Variants in BCL9L observed in about 807,000 individuals in gnomAD.
The protein encoded by BCL9L is B-cell CLL/lymphoma 9-like protein.
In BCL9L, 19 loss-of-function variants were observed where a neutral mutation model predicts 99.4. The observed-to-expected ratio is 0.19, with a 90% confidence interval of 0.13 to 0.28. The LOEUF is 0.28. BCL9L is among the 10% of genes least tolerant of loss of function. The probability of loss-of-function intolerance (pLI) is 1.00; values close to 1 mark genes in which losing one functional copy is unlikely to be tolerated. For missense variants in BCL9L, 2,023 were observed against 2,101.6 expected (o/e 0.96, Z 0.73); for synonymous variants, 900 against 854.8 (o/e 1.05, Z -0.92).
chr11:118,919,544 T>C (rs1375041846), intron 1 of BCL9L, among the ~76,000 whole-genome samples: 1 of 151,742 alleles, frequency 6.6e-6, no homozygotes, highest in Non-Finnish European at 1.5e-5. Context: ...GCTCAGTTTG[T>C]ACTGGGGGGT....
chr11:118,902,557 A>C lies in BCL9L; in HGVS notation c.1186T>G (p.Ser396Ala). The change falls in exon 8 of 10, where the codon TCA becomes GCA. Residue 396 changes from serine to alanine, a missense_variant. Ser to Ala is a moderately conservative substitution (Grantham distance 99). Around this residue, in one of 3 missense-constraint regions of BCL9L, gnomAD observed 1,116 missense variants for 1,194.6 expected, o/e 0.93. Coordinates refer to ENST00000683865, the MANE Select transcript of BCL9L (RefSeq NM_001378213.1). The surrounding 1 kb of genome is among the most constrained non-coding windows in gnomAD (Gnocchi z 7.8). Reference protein sequence around the residue: ...PGNGQRSLVGSEGLSKEQLEH... With the variant: ...PGNGQRSLVGAEGLSKEQLEH... Reference sequence around the variant, plus strand: ...AGCTGCTCTTTGGACAAGCCCTCTGAGCCCACCAGGCTGCGCTGCCCATTT... The same window carrying C: ...AGCTGCTCTTTGGACAAGCCCTCTGCGCCCACCAGGCTGCGCTGCCCATTT... 6.2e-7 allele frequency: 1 copy of C among 1,601,916 alleles called. No individual in the cohort carries two copies. The highest frequency in any genetic ancestry group is 1.7e-5 in the Admixed American group (1 of 60,008).
In BCL9L at chr11:118,900,996, T is replaced by C. The variant is rs2137687686; in HGVS notation, c.2747A>G (p.Asp916Gly). 3 of 1,553,148 alleles carry C rather than the reference T, an allele frequency of 1.9e-6. No individual in the cohort carries two copies. The highest frequency in any genetic ancestry group is 2.6e-6 in the Non-Finnish European group (3 of 1,148,794). ...PNRGLGRRPS[D>G]LTISINQMGS... Reference sequence around the variant, plus strand: ...CATCTGATTAATACTGATGGTGAGGTCCGAAGGCCGCCTGCCTAGCCCCCG... The same window carrying C: ...CATCTGATTAATACTGATGGTGAGGCCCGAAGGCCGCCTGCCTAGCCCCCG... The change falls in exon 8 of 10, where the codon GAC becomes GGC. Residue 916 changes from aspartate to glycine, a missense_variant. Transcript: ENST00000683865. The surrounding 1 kb of genome is among the most constrained non-coding windows in gnomAD (Gnocchi z 5.3).
chr11:118,907,622 G>T lies in BCL9L; in HGVS notation c.413-20C>A. 3 of 1,608,682 alleles carry T rather than the reference G, an allele frequency of 1.9e-6. No homozygotes were observed. Among genetic ancestry groups the T allele is most frequent in the East Asian group, 2.2e-5 (1 of 44,882 alleles). The stretch of plus-strand genomic sequence containing the variant: ...CCACCTCTGCCCAGGCAGGACGGAG[G>T]AAAGAGTGAGTGCCTAGAGGCCCCA... On this transcript the variant is annotated intron_variant, in intron 4 of 9. Coordinates refer to ENST00000683865, the MANE Select transcript of BCL9L (RefSeq NM_001378213.1).
chr11:118,916,023 G>A (rs768124792), intron 2 of BCL9L, among the ~76,000 whole-genome samples: 7 of 152,250 alleles, frequency 4.6e-5, no homozygotes, highest in African/African-American at 1.2e-4. Flanking sequence ...ATCTGAAACC[G>A]GCCCCAGAGC....
chr11:118,898,505 C>A lies in BCL9L; in HGVS notation c.4410G>T (p.Val1470=). Residue 1470 remains valine (V), a synonymous_variant, in exon 10 of 10, where the codon GTG becomes GTT. Transcript: ENST00000683865. The part of the protein sequence containing the change: ...MGPPPQQNLM[V]SHPLRQRSVS... ...CACTGCGCTGCCGAAGGGGGTGGGA[C>A]ACCATGAGGTTCTGCTGGGGCGGGG... 3 of 1,602,096 alleles carry A rather than the reference C, an allele frequency of 1.9e-6. No individual in the cohort carries two copies. The highest frequency in any genetic ancestry group is 2.6e-6 in the Non-Finnish European group (3 of 1,171,608).
At chr11:118,923,209 T>C (rs12282752) in intron 1 of BCL9L, among the ~76,000 whole-genome samples, 15,822 of 152,094 alleles carry the variant, frequency 0.1, 1,454 homozygotes, top group African/African-American at 0.24. Context: ...ACTCCCCTGA[T>C]AGGCAGGCAG....
chr11:118,900,509 C>G lies in BCL9L; in HGVS notation c.3124+110G>C. ...GCCCCATAAGCAGAGCCATCCACCT[C>G]TGGGCCCGTGGTACACAGGCCCTTA... On this transcript the variant is annotated intron_variant, in intron 8 of 9. Coordinates refer to ENST00000683865, the MANE Select transcript of BCL9L (RefSeq NM_001378213.1). The surrounding 1 kb of genome is among the most constrained non-coding windows in gnomAD (Gnocchi z 5.3). 1.4e-6 allele frequency: 2 copies of G among 1,469,912 alleles called. No homozygotes were observed. The highest frequency in any genetic ancestry group is 1.8e-6 in the Non-Finnish European group (2 of 1,115,796). The allele number at this position is 1,469,912 out of a possible 1,614,324, so 91.1% of individuals were successfully genotyped here.
Position 118,922,319 on chromosome 11 carries a change from G to C in BCL9L, c.-131+2919C>G, listed in dbSNP as rs1941164719. On this transcript the variant is annotated intron_variant, in intron 1 of 9. Coordinates refer to ENST00000683865, the MANE Select transcript of BCL9L (RefSeq NM_001378213.1). This position sits in a 1 kb window ranked among gnomAD's most constrained non-coding sequence, Gnocchi z 6.2. ...GCAGTGCTCTGGCCTTCCCCTCCTA[G>C]CCCTGGCCTTCCAGCCCTCCAACTG... 6.6e-6 allele frequency among the ~76,000 whole-genome samples: 1 copy of C among 152,182 alleles called. No individual in the cohort carries two copies. Among genetic ancestry groups the C allele is most frequent in the South Asian group, 2.1e-4 (1 of 4,836 alleles).
intron 1 of BCL9L, among the ~76,000 whole-genome samples, chr11:118,920,657 AAC>A (rs1296709405): frequency 6.6e-6 from 1 of 152,138 alleles, no homozygotes; most frequent in Non-Finnish European, 1.5e-5. Flanking sequence ...GCCTCTCTGT[AAC>A]AACCACCACT....
chr11:118,910,981 C>G (rs1418235803), intron 2 of BCL9L: 1 of 270,410 alleles, frequency 3.7e-6, no homozygotes, highest in East Asian at 1.2e-4. Context: ...GCCTGGGGCA[C>G]GCGCAGACAC....
chr11:118,902,504 C>T lies in BCL9L; in HGVS notation c.1239G>A (p.Thr413=), dbSNP rs1398466415. Residue 413 remains threonine (T), a synonymous_variant, in exon 8 of 10, where the codon ACG becomes ACA. Transcript: ENST00000683865. The surrounding 1 kb of genome is among the most constrained non-coding windows in gnomAD (Gnocchi z 7.8). The part of the protein sequence containing the change: ...QLEHRERSLQ[T]LRDIERLLLR... ...GCAGCAGTCGCTCAATGTCTCGCAG[C>T]GTCTGGAGGGACCGTTCCCGATGCT... is the stretch of plus-strand genomic sequence containing the variant. 6.2e-7 allele frequency: 1 copy of T among 1,608,520 alleles called. No homozygotes were observed. Among genetic ancestry groups the T allele is most frequent in the African/African-American group, 1.3e-5 (1 of 75,062 alleles).
chr11:118,901,166 C>T lies in BCL9L; in HGVS notation c.2577G>A (p.Met859Ile). The T allele has an allele frequency of 6.2e-7, 1 of 1,614,046 alleles. No homozygotes were observed. Among genetic ancestry groups the T allele is most frequent in the Non-Finnish European group, 8.5e-7 (1 of 1,179,966 alleles). The part of the protein sequence containing the change: ...FSGGQGPYQA[M>I]SQDMGNTQDM... ...CTTGGGTATTGCCCATGTCCTGGGACATGGCTTGGTAGGGTCCCTGGCCTC... is the reference window on the plus strand; with the variant it reads ...CTTGGGTATTGCCCATGTCCTGGGATATGGCTTGGTAGGGTCCCTGGCCTC... Residue 859 changes from methionine (M) to isoleucine (I), a missense_variant, in exon 8 of 10, where the codon ATG (methionine) becomes ATA (isoleucine). This residue lies in a region of BCL9L where 5 missense variants were observed against 18.7 expected (regional missense o/e 0.27). Transcript: ENST00000683865. The surrounding 1 kb of genome is among the most constrained non-coding windows in gnomAD (Gnocchi z 6.6).
chr11:118,919,132 C>T (rs1251821679), intron 1 of BCL9L, among the ~76,000 whole-genome samples: 19 of 136,748 alleles, frequency 1.4e-4, no homozygotes, highest in Non-Finnish European at 1.4e-4. Context: ...CCCCAACCCC[C>T]GCCCACCACA....
chr11:118,905,512 C>CAAAAAA (rs761526586), intron 5 of BCL9L, among the ~76,000 whole-genome samples: 6 of 38,492 alleles, frequency 1.6e-4, no homozygotes, highest in Non-Finnish European at 2.7e-4. Flanking sequence ...GACTCTGTCT[C>CAAAAAA]AAAAAAAAAA....
At chr11:118,917,910 G>C (rs946448402) in intron 2 of BCL9L, among the ~76,000 whole-genome samples, 1 of 152,056 alleles carries the variant, frequency 6.6e-6, no homozygotes, top group Non-Finnish European at 1.5e-5. Flanking sequence ...GAGGCCCCAG[G>C]TGGGGGTCAA....
At chr11:118,910,516 G>GCC (rs1940739004) in intron 2 of BCL9L, 1 of 153,030 alleles carries the variant, frequency 6.5e-6, no homozygotes. Flanking sequence ...GCCTGGCGGG[G>GCC]CCCCGGGGCT....
intron 5 of BCL9L, among the ~76,000 whole-genome samples, chr11:118,904,625 C>T (rs750963651): frequency 5.9e-5 from 9 of 152,184 alleles, no homozygotes; most frequent in Non-Finnish European, 8.8e-5. Context: ...AGTGGGTAGA[C>T]CCATTCGCAT....
intron 1 of BCL9L, among the ~76,000 whole-genome samples, chr11:118,919,729 C>T (rs1390027650): frequency 6.6e-6 from 1 of 152,140 alleles, no homozygotes. Context: ...GGGGAGGAGA[C>T]CTTCGGCTGG....
intron 4 of BCL9L, among the ~76,000 whole-genome samples, 200 bp downstream of exon 4, chr11:118,908,070 C>G (rs1940604799): frequency 1.3e-5 from 2 of 152,184 alleles, no homozygotes; most frequent in Non-Finnish European, 1.5e-5. Flanking sequence ...TCTGTGTGGC[C>G]CCTCCATGGG....
Sources: gnomAD v4.1 joint callset for allele counts (sites outside exome capture counted in the v4.1 genomes callset) on GRCh38, gnomAD v4.1.1 for gene constraint, gnomAD v4.1.1 regional missense constraint, Gnocchi (gnomAD v3.1) non-coding constraint, MANE v1.5 for transcripts, NCBI Gene and HGNC (gene_info 2026-07-23, HGNC 2026-07-21) for gene names.